The following NCEH1 variants were observed in gnomAD, a reference collection of about 807,000 sequenced individuals.
NCEH1 encodes the protein neutral cholesterol ester hydrolase 1, also known as 2-acetyl MAGE hydrolase.
NCEH1 carries 9 observed loss-of-function variants against 25.4 expected under a neutral mutation model. The observed-to-expected ratio is 0.35, with a 90% CI of 0.21 to 0.62. The LOEUF (loss-of-function observed/expected upper bound fraction) is 0.62, where lower values mean the gene tolerates loss of function less well. Among genes scored for constraint, NCEH1 ranks in the 20% least tolerant of loss-of-function variants. The pLI is 0.72. For missense variants in NCEH1, 412 were observed against 501.1 expected (o/e 0.82, Z 1.70); for synonymous variants, 200 against 199.8 (o/e 1.00, Z -0.01).
chr3:172,666,692 G>A (rs1017583825), intron 1 of NCEH1, among the ~76,000 whole-genome samples: 5 of 152,132 alleles, frequency 3.3e-5, no homozygotes, highest in Non-Finnish European at 5.9e-5. Flanking sequence ...GGTGAGTATG[G>A]AGCAAATCTC....
rs1460925545 is a variant in NCEH1 at position 172,643,982 on chromosome 3, C to T, written c.437+1641G>A. On this transcript the variant is annotated intron_variant, in intron 3 of 4. Transcript: ENST00000475381. ...CTGTATTACCAAACTGCACTGACAA[C>T]CCTTGAGTAATCTGGGAGGCCTTGC... Among the ~76,000 whole-genome samples, 3 of 152,240 alleles carry T rather than the reference C, an allele frequency of 2.0e-5. No individual in the cohort carries two copies. In the East Asian group the frequency reaches 5.8e-4, roughly 29 times the overall value.
chr3:172,674,973 A>G (rs1711879911), intron 1 of NCEH1, among the ~76,000 whole-genome samples: 1 of 152,188 alleles, frequency 6.6e-6, no homozygotes, highest in South Asian at 2.1e-4. Flanking sequence ...AATGCACTCT[A>G]AGCTATGAAA....
chr3:172,694,289 G>A (rs987670612), intron 1 of NCEH1, among the ~76,000 whole-genome samples: 1 of 152,118 alleles, frequency 6.6e-6, no homozygotes, highest in Non-Finnish European at 1.5e-5. Flanking sequence ...AGGCTACTAA[G>A]CCTGTGAAGA....
At chr3:172,678,227 T>A (rs1712126905) in intron 1 of NCEH1, among the ~76,000 whole-genome samples, 1 of 152,164 alleles carries the variant, frequency 6.6e-6, no homozygotes. Context: ...ATAAACAGTG[T>A]CTGAGAAAAT....
chr3:172,705,319 A>G (rs1226975399), intron 1 of NCEH1, among the ~76,000 whole-genome samples: 4 of 152,160 alleles, frequency 2.6e-5, no homozygotes, highest in Non-Finnish European at 5.9e-5. Context: ...ATGACCCTGT[A>G]TGGCAGACAC....
At chr3:172,682,468 T>A (rs1016439913) in intron 1 of NCEH1, among the ~76,000 whole-genome samples, 2 of 152,168 alleles carry the variant, frequency 1.3e-5, no homozygotes, top group Non-Finnish European at 2.9e-5. Flanking sequence ...CACCATCTCA[T>A]CTTGCCACCA....
chr3:172,653,738 TTTTTTGTTTTTTTGTTTTTTTG>T, intron 1 of NCEH1, among the ~76,000 whole-genome samples: 1 of 65,442 alleles, frequency 1.5e-5, no homozygotes, highest in African/African-American at 8.0e-5. Flanking sequence ...TTGTTCTGTT[TTTTTTGTTTTTTTGTTTTTTTG>T]TTTTTTTTTT....
chr3:172,685,514 G>A (rs1712646893), intron 1 of NCEH1, among the ~76,000 whole-genome samples: 1 of 152,224 alleles, frequency 6.6e-6, no homozygotes, highest in Non-Finnish European at 1.5e-5. Context: ...TGCCCAGAGA[G>A]ATGAGTGACA....
chr3:172,653,111 A>C (rs1717489600), intron 1 of NCEH1, among the ~76,000 whole-genome samples: 1 of 152,150 alleles, frequency 6.6e-6, no homozygotes, highest in Admixed American at 6.5e-5. Flanking sequence ...GGCTAAAGTA[A>C]GCTAGGGCAG....
intron 1 of NCEH1, among the ~76,000 whole-genome samples, chr3:172,672,791 G>A (rs915180735): frequency 2.0e-5 from 3 of 152,228 alleles, no homozygotes; most frequent in African/African-American, 7.2e-5. Flanking sequence ...GCATCCATTA[G>A]TTGCTATCAG....
intron 1 of NCEH1, among the ~76,000 whole-genome samples, chr3:172,699,486 A>T (rs1448247312): frequency 6.6e-6 from 1 of 152,158 alleles, no homozygotes; most frequent in Non-Finnish European, 1.5e-5. Flanking sequence ...CACAGCCTTG[A>T]CTTGATTAGG....
intron 1 of NCEH1, among the ~76,000 whole-genome samples, chr3:172,698,877 C>T (rs565623713): frequency 6.6e-6 from 1 of 152,176 alleles, no homozygotes; most frequent in Admixed American, 6.5e-5. Flanking sequence ...GCGACAGACG[C>T]GGTAACACAG....
intron 1 of NCEH1, among the ~76,000 whole-genome samples, chr3:172,703,527 C>CAAAAA (rs11462899): frequency 0.12 from 9,556 of 79,884 alleles, 782 homozygotes; most frequent in Non-Finnish European, 0.17. Flanking sequence ...GACTCTGTCT[C>CAAAAA]AAAAAAAAAA....
chr3:172,701,853 G>A (rs1362690070), intron 1 of NCEH1, among the ~76,000 whole-genome samples: 1 of 152,098 alleles, frequency 6.6e-6, no homozygotes, highest in Non-Finnish European at 1.5e-5. Context: ...TTCTCTGCTA[G>A]AAGACTGTCA....
chr3:172,639,352 A>T (rs1308216292), intron 3 of NCEH1, among the ~76,000 whole-genome samples: 2 of 152,024 alleles, frequency 1.3e-5, no homozygotes, highest in Non-Finnish European at 2.9e-5. Context: ...CTGAAAGTAG[A>T]TATTTATTAG....
rs758831606 is a variant in NCEH1 at position 172,710,838 on chromosome 3, G to C, written c.138+9C>G. On this transcript the variant is annotated intron_variant, in intron 1 of 4. Transcript: ENST00000475381. Reference sequence around the variant, plus strand: ...AGGAAGAGAGAAGCAGCGCTGGGCTGCACCTCACCACTTGCTGTGCACCCC... The same window carrying C: ...AGGAAGAGAGAAGCAGCGCTGGGCTCCACCTCACCACTTGCTGTGCACCCC... The C allele has an allele frequency of 1.2e-5, 20 of 1,613,666 alleles. No homozygotes were observed. The African/African-American group carries it at 2.1e-4, about 17-fold the overall frequency.
chr3:172,702,222 G>A (rs1713739059), intron 1 of NCEH1, among the ~76,000 whole-genome samples: 4 of 152,198 alleles, frequency 2.6e-5, no homozygotes, highest in Admixed American at 2.6e-4. Context: ...AAGAACACCT[G>A]CCTGATTGTA....
intron 1 of NCEH1, among the ~76,000 whole-genome samples, chr3:172,702,038 C>G: frequency 6.6e-6 from 1 of 152,180 alleles, no homozygotes; most frequent in African/African-American, 2.4e-5. Context: ...CTGGAATGCC[C>G]CTTTCACCCT....
chr3:172,637,263 G>T (rs754677117), intron 3 of NCEH1, among the ~76,000 whole-genome samples: 2 of 152,112 alleles, frequency 1.3e-5, no homozygotes, highest in Non-Finnish European at 2.9e-5. Context: ...GCATACAAAA[G>T]TTACTTGATT....
Sources: allele counts gnomAD v4.1 joint callset (sites outside exome capture counted in the v4.1 genomes callset), GRCh38; gene constraint gnomAD v4.1.1; transcripts MANE v1.5; gene names NCBI Gene and HGNC (gene_info 2026-07-23, HGNC 2026-07-21).